The following TRERF1 variants were observed in gnomAD, a reference collection of about 807,000 sequenced individuals.
TRERF1 encodes the protein transcriptional-regulating factor 1.
A neutral mutation model predicts 122.9 loss-of-function variants in TRERF1; 27 were observed. The observed-to-expected ratio is 0.22, with a 90% CI of 0.16 to 0.30. The LOEUF is 0.30. TRERF1 is among the 10% of genes least tolerant of loss of function. The probability of loss-of-function intolerance (pLI) is 1.00; values close to 1 mark genes in which losing one functional copy is unlikely to be tolerated. For synonymous variants in TRERF1, 636 were observed against 641.7 expected, an observed-to-expected ratio of 0.99 and a Z score of 0.13; for missense variants, 1,248 against 1,560.3, an observed-to-expected ratio of 0.80 and a Z score of 3.37.
chr6:42,448,177 G>A (rs1787871815), intron 2 of TRERF1, among the ~76,000 whole-genome samples: 2 of 151,750 alleles, frequency 1.3e-5, no homozygotes, highest in Admixed American at 1.3e-4. Context: ...CAGAAAGCAG[G>A]CAAAGCCACA....
chr6:42,361,171 G>A (rs1241416888), intron 3 of TRERF1, among the ~76,000 whole-genome samples: 1 of 152,142 alleles, frequency 6.6e-6, no homozygotes, highest in Non-Finnish European at 1.5e-5. Flanking sequence ...GAGAGCTCTG[G>A]TCCCTTCCAT....
chr6:42,229,471 G>T (rs1296265169), intron 17 of TRERF1, among the ~76,000 whole-genome samples: 1 of 152,138 alleles, frequency 6.6e-6, no homozygotes, highest in Non-Finnish European at 1.5e-5. Context: ...CTGCCCACAC[G>T]CACTTGGTGG....
chr6:42,294,180 AT>A (rs70987589), intron 4 of TRERF1, among the ~76,000 whole-genome samples: 90 of 129,138 alleles, frequency 7.0e-4, no homozygotes, highest in East Asian at 1.1e-3. Flanking sequence ...CTATAATGTA[AT>A]TTTTTTTTTT....
intron 2 of TRERF1, among the ~76,000 whole-genome samples, chr6:42,403,128 A>G (rs1192811113): frequency 1.3e-5 from 2 of 152,106 alleles, no homozygotes; most frequent in Non-Finnish European, 2.9e-5. Flanking sequence ...AGAGACAGCA[A>G]ACCTCAGCTG....
chr6:42,278,564 G>A (rs1781711924), intron 4 of TRERF1, among the ~76,000 whole-genome samples: 1 of 152,180 alleles, frequency 6.6e-6, no homozygotes. Flanking sequence ...TCTGAGTGGG[G>A]CATGCCAGGG....
chr6:42,334,082 A>AAT (rs958574917), intron 3 of TRERF1, among the ~76,000 whole-genome samples: 3 of 151,886 alleles, frequency 2.0e-5, no homozygotes, highest in Admixed American at 1.3e-4. Flanking sequence ...CATACACATG[A>AAT]ATATATATAT....
In TRERF1 at chr6:42,263,465, G is replaced by T; in HGVS notation, c.1739C>A (p.Thr580Lys). ...GACAGACACGGGCATGACCATAGGC[G>T]TGAGGCTTTCTGCCTCGGGAGGGAG... The change falls in exon 8 of 18, where the codon ACG (threonine) becomes AAG (lysine). Residue 580 changes from threonine (T) to lysine (K), a missense_variant. Around this residue, in one of 5 missense-constraint regions of TRERF1, gnomAD observed 946 missense variants for 1,073.0 expected, o/e 0.88. Coordinates refer to ENST00000372922, the Ensembl canonical transcript of TRERF1. The surrounding 1 kb of genome is among the most constrained non-coding windows in gnomAD (Gnocchi z 5.6). 1.3e-6 allele frequency: 2 copies of T among 1,596,356 alleles called. No homozygotes were observed. Among genetic ancestry groups the T allele is most frequent in the Non-Finnish European group, 1.7e-6 (2 of 1,168,884 alleles).
At chr6:42,262,209 C>G (rs1213840557) in intron 8 of TRERF1, among the ~76,000 whole-genome samples, 2 of 152,094 alleles carry the variant, frequency 1.3e-5, no homozygotes, top group Non-Finnish European at 1.5e-5. Flanking sequence ...CCATCAGTTT[C>G]TCTTCTTTTG....
rs1464298327 is a variant in TRERF1 at position 42,445,297 on chromosome 6, C to T, written c.-454+5880G>A. 4.7e-5 allele frequency among the ~76,000 whole-genome samples: 7 copies of T among 149,338 alleles called. No homozygotes were observed. In the East Asian group the frequency reaches 1.4e-3, roughly 29 times the overall value. ...AAAAAAAAAACAAAAAACGATGAAA[C>T]AAATCCAATGGTGATTTTTCTGGCC... On this transcript the variant is annotated intron_variant, in intron 2 of 17. Coordinates refer to ENST00000372922, the Ensembl canonical transcript of TRERF1.
At chr6:42,355,201 G>A (rs1581751811) in intron 3 of TRERF1, among the ~76,000 whole-genome samples, 2 of 152,146 alleles carry the variant, frequency 1.3e-5, no homozygotes, top group Non-Finnish European at 2.9e-5. Flanking sequence ...TGGGCTGCAT[G>A]AACCTGATAT....
intron 3 of TRERF1, among the ~76,000 whole-genome samples, chr6:42,310,894 C>G (rs1346791807): frequency 6.6e-6 from 1 of 152,198 alleles, no homozygotes; most frequent in African/African-American, 2.4e-5. Context: ...GAAGTGCCTG[C>G]ATTTCCAATC....
intron 2 of TRERF1, among the ~76,000 whole-genome samples, chr6:42,437,403 T>G (rs1785655249): frequency 6.6e-6 from 1 of 152,292 alleles, no homozygotes. Context: ...AAAATGATTA[T>G]GCAGAAGAGT....
At chr6:42,289,008 A>G (rs887784207) in intron 4 of TRERF1, among the ~76,000 whole-genome samples, 52 of 148,184 alleles carry the variant, frequency 3.5e-4, no homozygotes, top group African/African-American at 1.3e-3. Flanking sequence ...AGCACATGTA[A>G]CTGATCATAT....
intron 3 of TRERF1, among the ~76,000 whole-genome samples, chr6:42,332,373 G>A (rs972505015): frequency 6.6e-6 from 1 of 152,222 alleles, no homozygotes; most frequent in East Asian, 1.9e-4. Context: ...GATCCCTATA[G>A]ACAGAAAACA....
At chr6:42,376,775 T>C (rs1460048936) in intron 2 of TRERF1, among the ~76,000 whole-genome samples, 1 of 151,964 alleles carries the variant, frequency 6.6e-6, no homozygotes, top group African/African-American at 2.4e-5. Context: ...TCTCTTGACC[T>C]TATGATTTGC....
intron 3 of TRERF1, among the ~76,000 whole-genome samples, chr6:42,316,942 C>T (rs1034393918): frequency 2.0e-5 from 3 of 152,208 alleles, no homozygotes; most frequent in African/African-American, 4.8e-5. Context: ...TATTGTAGAA[C>T]TTAAGATGGG....
At chr6:42,402,897 C>T (rs897043685) in intron 2 of TRERF1, among the ~76,000 whole-genome samples, 1 of 152,128 alleles carries the variant, frequency 6.6e-6, no homozygotes, top group East Asian at 1.9e-4. Context: ...CACCCAGGGT[C>T]GCACATTAAT....
At chr6:42,343,929 G>A (rs1767778328) in intron 3 of TRERF1, among the ~76,000 whole-genome samples, 1 of 152,238 alleles carries the variant, frequency 6.6e-6, no homozygotes, top group African/African-American at 2.4e-5. Context: ...GGGGAGGCCA[G>A]CAGAGCTGCT....
Position 42,269,309 on chromosome 6 carries a change from A to G in TRERF1, c.282T>C (p.His94=), listed in dbSNP as rs1281547215. The change falls in exon 5 of 18, where the codon CAT becomes CAC. Residue 94 remains histidine, a synonymous_variant. Transcript: ENST00000372922. This position sits in a 1 kb window ranked among gnomAD's most constrained non-coding sequence, Gnocchi z 4.9. ...TGGCCAGGTTTCCACGTAGCTGGACATGGTTTCCAGGCCCTGCATGACTTC... is the reference window on the plus strand; with the variant it reads ...TGGCCAGGTTTCCACGTAGCTGGACGTGGTTTCCAGGCCCTGCATGACTTC... 6.2e-7 allele frequency: 1 copy of G among 1,614,154 alleles called. No homozygotes were observed. Among genetic ancestry groups the G allele is most frequent in the Admixed American group, 1.7e-5 (1 of 60,028 alleles).
Sources: gnomAD v4.1 joint callset for allele counts (sites outside exome capture counted in the v4.1 genomes callset) on GRCh38, gnomAD v4.1.1 for gene constraint, gnomAD v4.1.1 regional missense constraint, Gnocchi (gnomAD v3.1) non-coding constraint, MANE v1.5 for transcripts, NCBI Gene and HGNC (gene_info 2026-07-23, HGNC 2026-07-21) for gene names.